Variants in CFAP46 observed in about 807,000 individuals in gnomAD.
CFAP46 encodes cilia and flagella associated protein 46, also known as cilia- and flagella-associated protein 46.
In CFAP46, 245 loss-of-function variants were observed where a neutral mutation model predicts 325.7. The ratio of observed to expected loss-of-function variants is 0.75; its 90% CI spans 0.68 to 0.84. CFAP46 has a LOEUF of 0.84. Among genes scored for constraint, CFAP46 ranks in the 40% least tolerant of loss-of-function variants. CFAP46 has a pLI of 0.00. For synonymous variants in CFAP46, 1,523 were observed against 1,495.9 expected (o/e 1.02, Z -0.42); for missense variants, 3,346 against 3,543.0 (o/e 0.94, Z 1.41).
At chr10:132,930,209 G>A (rs1849872097) in intron 8 of CFAP46, among the ~76,000 whole-genome samples, 1 of 152,086 alleles carries the variant, frequency 6.6e-6, no homozygotes, top group South Asian at 2.1e-4. Context: ...ATGCAGGGAA[G>A]AGGCAGGTTC....
At chr10:132,822,194 T>G (rs1847865391) in intron 50 of CFAP46, among the ~76,000 whole-genome samples, 1 of 131,818 alleles carries the variant, frequency 7.6e-6, no homozygotes, top group East Asian at 2.3e-4. Context: ...ATGTGTGCAC[T>G]GTGTGCTGTG....
At chr10:132,928,614 C>T (rs1480951378) in intron 9 of CFAP46, among the ~76,000 whole-genome samples, 1 of 152,224 alleles carries the variant, frequency 6.6e-6, no homozygotes, top group East Asian at 1.9e-4. Context: ...GGTTGGTTTA[C>T]GTTCACTCTT....
intron 19 of CFAP46, among the ~76,000 whole-genome samples, chr10:132,911,500 C>G (rs879875823): frequency 2.6e-5 from 4 of 152,330 alleles, no homozygotes; most frequent in Admixed American, 2.6e-4. Flanking sequence ...TCCCTGCCCC[C>G]GCCCCACCGC....
In CFAP46 at chr10:132,908,884, C is replaced by T. The variant is rs541500823; in HGVS notation, c.2758-250G>A. Among the ~76,000 whole-genome samples the T allele has an allele frequency of 7.9e-5, 12 of 152,326 alleles. No homozygotes were observed. In the East Asian group the frequency reaches 1.2e-3, roughly 15 times the overall value. On this transcript the variant is annotated intron_variant, in intron 21 of 57. Coordinates refer to ENST00000368586, the MANE Select transcript of CFAP46 (RefSeq NM_001200049.3). ...TGTGCAGCCCTTGGCTGCCCCTGAG[C>T]GGCTCAGGGTTGGGTGGGAATGGAG...
chr10:132,885,241 C>G lies in CFAP46; in HGVS notation c.3489G>C (p.Gln1163His), dbSNP rs933184414. The change falls in exon 27 of 58, where the codon CAG becomes CAC. Residue 1163 changes from glutamine to histidine, a missense_variant. Transcript: ENST00000368586. The part of the protein sequence containing the change: ...HMVIVKAKLG[Q>H]NFSMEIQKFK... ...ATTTCTGTATTTCCATCGAAAAATT[C>G]TGCCCGAGCTTGGCCTTCACGATGA... 3.2e-6 allele frequency: 5 copies of G among 1,550,314 alleles called. No individual in the cohort carries two copies. The highest frequency in any genetic ancestry group is 3.5e-6 in the Non-Finnish European group (4 of 1,146,864).
chr10:132,860,115 A>G (rs1848701645), intron 37 of CFAP46, among the ~76,000 whole-genome samples: 1 of 152,220 alleles, frequency 6.6e-6, no homozygotes, highest in South Asian at 2.1e-4. Flanking sequence ...ACAAATTTAT[A>G]CCGACACACC....
chr10:132,858,829 CA>C (rs1163892230), intron 38 of CFAP46, among the ~76,000 whole-genome samples: 1 of 152,080 alleles, frequency 6.6e-6, no homozygotes, highest in Non-Finnish European at 1.5e-5. Flanking sequence ...TGGGCAGCCG[CA>C]GGGCTGGGGC....
At chr10:132,837,039 C>CGA (rs1227162709) in intron 44 of CFAP46, 125 bp from the exon 45 acceptor site, 10 of 713,374 alleles carry the variant, frequency 1.4e-5, no homozygotes, top group Non-Finnish European at 2.4e-5. Context: ...CCTTCCTGCC[C>CGA]GAGGCTGGGC....
intron 5 of CFAP46, among the ~76,000 whole-genome samples, chr10:132,938,339 G>A (rs969889066): frequency 5.3e-5 from 8 of 152,232 alleles, no homozygotes; most frequent in African/African-American, 1.9e-4. Context: ...TGCTTTGCTG[G>A]GAGTCTAAAC....
At chr10:132,937,373 T>C in intron 6 of CFAP46, 179 bp downstream of exon 6, 2 of 711,120 alleles carry the variant, frequency 2.8e-6, no homozygotes, top group Non-Finnish European at 4.6e-6. Flanking sequence ...GTTCTATACA[T>C]CTTTGCATTG....
chr10:132,937,424 G>T (rs1488510443), intron 6 of CFAP46, 128 bp downstream of exon 6: 2 of 1,023,126 alleles, frequency 2.0e-6, no homozygotes, highest in Non-Finnish European at 2.9e-6. Flanking sequence ...ATGTAATTTT[G>T]TTCATGTATG....
chr10:132,935,594 C>A (rs1299518104), intron 7 of CFAP46, among the ~76,000 whole-genome samples: 9 of 139,268 alleles, frequency 6.5e-5, no homozygotes, highest in Non-Finnish European at 1.4e-4. Context: ...CCCAAACCCA[C>A]TGTGATCTCC....
chr10:132,925,616 C>T (rs187338331), intron 10 of CFAP46, among the ~76,000 whole-genome samples: 13 of 152,390 alleles, frequency 8.5e-5, no homozygotes, highest in Admixed American at 6.5e-4. Context: ...ATTCCTTAAA[C>T]GAACACTCAT....
chr10:132,821,502 C>CTGA (rs1847826680), intron 50 of CFAP46, among the ~76,000 whole-genome samples: 6 of 124,062 alleles, frequency 4.8e-5, no homozygotes, highest in African/African-American at 2.0e-4. Flanking sequence ...CTGATGTGTG[C>CTGA]TGTGTGCGCT....
chr10:132,912,712 G>C lies in CFAP46; in HGVS notation c.2442C>G (p.Asn814Lys). ...AEKSRKFMRP[N>K]AFHSPLDAGA... ...CTGCGTCCAGTGGGCTGTGAAACGC[G>C]TTTGGTCGCATGAATTTCCTGGACT... The change falls in exon 19 of 58, where the codon AAC becomes AAG. Residue 814 changes from asparagine to lysine, a missense_variant. Coordinates refer to ENST00000368586, the MANE Select transcript of CFAP46 (RefSeq NM_001200049.3). 1.2e-5 allele frequency: 18 copies of C among 1,550,170 alleles called. No individual in the cohort carries two copies. Among genetic ancestry groups the C allele is most frequent in the Non-Finnish European group, 1.6e-5 (18 of 1,146,964 alleles).
At position 132,942,431 on chromosome 10, in the gene CFAP46, G is replaced by A. The variant is rs944489882; in HGVS notation, c.49+5C>T. Reference sequence around the variant, plus strand: ...GGGCGGGGGTCGTGGCGGGCCTGGGGTCACCTTGCTGGCTCTCGGCGCGGG... The same window carrying A: ...GGGCGGGGGTCGTGGCGGGCCTGGGATCACCTTGCTGGCTCTCGGCGCGGG... On this transcript the variant is annotated splice_donor_5th_base_variant and intron_variant, in intron 1 of 57. Coordinates refer to ENST00000368586, the MANE Select transcript of CFAP46 (RefSeq NM_001200049.3). The A allele has an allele frequency of 2.2e-6, 3 of 1,355,162 alleles. No individual in the cohort carries two copies. Among genetic ancestry groups the A allele is most frequent in the African/African-American group, 1.5e-5 (1 of 65,308 alleles). 83.9% of individuals were successfully genotyped at this position (1,355,162 alleles called of 1,614,324 possible). A position where few individuals can be genotyped will look rare whatever the true frequency, so the allele number is the denominator to read the frequency against.
Position 132,828,600 on chromosome 10 carries a change from T to G in CFAP46, c.7117+4758A>C, listed in dbSNP as rs892673827. Among the ~76,000 whole-genome samples, 26 of 152,200 alleles carry G rather than the reference T, an allele frequency of 1.7e-4. No homozygotes were observed. Among genetic ancestry groups the G allele is most frequent in the African/African-American group, 5.6e-4 (23 of 41,430 alleles). Reference sequence around the variant, plus strand: ...TCTAAATTTGTTACTGTTATCAGATTCTTCCAGTCTTGGCGTAACTTTTCA... The same window carrying G: ...TCTAAATTTGTTACTGTTATCAGATGCTTCCAGTCTTGGCGTAACTTTTCA... On this transcript the variant is annotated intron_variant, in intron 50 of 57. Transcript: ENST00000368586. This position sits in a 1 kb window ranked among gnomAD's most constrained non-coding sequence, Gnocchi z 4.9.
chr10:132,883,366 A>G (rs1235624408), intron 27 of CFAP46, among the ~76,000 whole-genome samples: 1 of 152,252 alleles, frequency 6.6e-6, no homozygotes, highest in East Asian at 1.9e-4. Context: ...CCATAAGCAC[A>G]TGGGAATATG....
At chr10:132,915,230 GC>G in intron 17 of CFAP46, among the ~76,000 whole-genome samples, 1 of 152,378 alleles carries the variant, frequency 6.6e-6, no homozygotes, top group East Asian at 1.9e-4. Context: ...CTGTCTGTGA[GC>G]AGGCCCACCA....
Sources: allele counts gnomAD v4.1 joint callset (sites outside exome capture counted in the v4.1 genomes callset), GRCh38; gene constraint gnomAD v4.1.1; non-coding constraint Gnocchi (gnomAD v3.1); transcripts MANE v1.5; gene names NCBI Gene and HGNC (gene_info 2026-07-23, HGNC 2026-07-21).